IGSF5: variants seen among roughly 807,000 people sequenced by gnomAD.
IGSF5 encodes the protein immunoglobulin superfamily 5 like.
A neutral mutation model predicts 39.4 loss-of-function variants in IGSF5; 41 were observed. That is an observed-to-expected ratio of 1.04 (90% CI 0.81 to 1.35). IGSF5 has a LOEUF of 1.35. IGSF5 is among the 40% of genes most tolerant of loss of function. The pLI, the probability that IGSF5 is intolerant of heterozygous loss-of-function variation, is 0.00. For missense variants in IGSF5, 487 were observed against 494.6 expected (o/e 0.98, Z 0.15); for synonymous variants, 183 against 175.3 (o/e 1.04, Z -0.34).
chr21:39,782,114 G>C (rs767636580), intron 5 of IGSF5, among the ~76,000 whole-genome samples: 2 of 152,158 alleles, frequency 1.3e-5, no homozygotes, highest in Non-Finnish European at 2.9e-5. Context: ...GGTTTGAGAT[G>C]CCACCTTTAT....
Position 39,801,888 on chromosome 21 carries a change from A to G in IGSF5, c.*531A>G, listed in dbSNP as rs1385602296. The G allele has an allele frequency of 1.3e-5, 2 of 152,636 alleles. No homozygotes were observed. Among genetic ancestry groups the G allele is most frequent in the Non-Finnish European group, 2.9e-5 (2 of 68,360 alleles). The allele number at this position is 152,636 out of a possible 1,614,324, so 9.5% of individuals were successfully genotyped here. A position where few individuals can be genotyped will look rare whatever the true frequency, so the allele number is the denominator to read the frequency against. On this transcript the variant is annotated 3_prime_UTR_variant, in exon 9 of 9. Coordinates refer to ENST00000380588, the MANE Select transcript of IGSF5 (RefSeq NM_001080444.2). ...TCTAACATGGATGTGCACGTTCCTA[A>G]ATATCTTATGATTGAATATTTACAT...
chr21:39,778,989 G>C (rs2080155067), intron 4 of IGSF5, 101 bp from the exon 5 acceptor site: 11 of 1,417,042 alleles, frequency 7.8e-6, no homozygotes, highest in Non-Finnish European at 6.7e-6. Flanking sequence ...AGGCTGAATA[G>C]TTATAATATT....
chr21:39,787,820 C>T (rs1381903093), intron 5 of IGSF5, among the ~76,000 whole-genome samples: 1 of 152,118 alleles, frequency 6.6e-6, no homozygotes, highest in African/African-American at 2.4e-5. Flanking sequence ...TAACACAGAA[C>T]ATCTCTTCTT....
chr21:39,726,497 A>G, the IGSF5 span, among the ~76,000 whole-genome samples: 1 of 151,690 alleles, frequency 6.6e-6, no homozygotes, highest in Non-Finnish European at 1.5e-5. Flanking sequence ...CTCTCTCCTC[A>G]GTCACCAGTG....
At chr21:39,748,122 G>A (rs1376664366) in intron 2 of IGSF5, among the ~76,000 whole-genome samples, 1 of 151,980 alleles carries the variant, frequency 6.6e-6, no homozygotes, top group Non-Finnish European at 1.5e-5. Flanking sequence ...TAGAAGCAGG[G>A]TGGGTTAAAT....
At chr21:39,749,744 A>C (rs1347686654) in intron 2 of IGSF5, among the ~76,000 whole-genome samples, 2 of 152,242 alleles carry the variant, frequency 1.3e-5, no homozygotes, top group African/African-American at 4.8e-5. Context: ...GACAAGAGAC[A>C]CAAGGTTGAT....
At chr21:39,757,966 G>A (rs1265555298) in intron 2 of IGSF5, among the ~76,000 whole-genome samples, 1 of 152,208 alleles carries the variant, frequency 6.6e-6, no homozygotes, top group Non-Finnish European at 1.5e-5. Flanking sequence ...ACCAGCTGCG[G>A]GGGGTGGAGG....
the IGSF5 span, among the ~76,000 whole-genome samples, chr21:39,727,440 G>A: frequency 2.6e-5 from 4 of 152,194 alleles, no homozygotes; most frequent in Non-Finnish European, 5.9e-5. Context: ...GATTGTCGGT[G>A]GCTTCTTCTG....
At chr21:39,724,684 T>C in the IGSF5 span, among the ~76,000 whole-genome samples, 1 of 152,240 alleles carries the variant, frequency 6.6e-6, no homozygotes, top group South Asian at 2.1e-4. Flanking sequence ...GTCTTGTGTA[T>C]GTCTTTTATC....
At chr21:39,736,813 T>TG in the IGSF5 span, among the ~76,000 whole-genome samples, 1 of 152,208 alleles carries the variant, frequency 6.6e-6, no homozygotes, top group Non-Finnish European at 1.5e-5. Context: ...GTGCTGAGGC[T>TG]GAGGCTGAGG....
chr21:39,723,871 G>T, the IGSF5 span, among the ~76,000 whole-genome samples: 51 of 152,142 alleles, frequency 3.4e-4, no homozygotes, highest in African/African-American at 1.1e-3. Flanking sequence ...TTTGGGCCTG[G>T]CATGGTGGCT....
At chr21:39,719,261 C>T in the IGSF5 span, among the ~76,000 whole-genome samples, 7 of 152,292 alleles carry the variant, frequency 4.6e-5, no homozygotes, top group South Asian at 1.0e-3. Context: ...CTCAGCCTCC[C>T]GTGTAGCTGG....
intron 5 of IGSF5, among the ~76,000 whole-genome samples, chr21:39,785,293 G>A (rs994034843): frequency 2.6e-5 from 4 of 151,114 alleles, no homozygotes; most frequent in African/African-American, 9.7e-5. Context: ...AACAATGGCA[G>A]CACCATTTAT....
chr21:39,757,042 T>TC (rs34782551), intron 2 of IGSF5, among the ~76,000 whole-genome samples: 72,116 of 150,946 alleles, frequency 0.48, 18,772 homozygotes, highest in South Asian at 0.69. Context: ...GCAGGCACAG[T>TC]CCCCCCGAGA....
At chr21:39,771,410 T>G (rs776867275) in intron 4 of IGSF5, among the ~76,000 whole-genome samples, 195 bp downstream of exon 4, 2 of 152,228 alleles carry the variant, frequency 1.3e-5, no homozygotes, top group Non-Finnish European at 2.9e-5. Context: ...AATTCCATCT[T>G]AAAGTTTTTT....
At chr21:39,763,823 A>G (rs1362299247) in intron 2 of IGSF5, among the ~76,000 whole-genome samples, 1 of 152,138 alleles carries the variant, frequency 6.6e-6, no homozygotes, top group Non-Finnish European at 1.5e-5. Context: ...AGCAATTCAG[A>G]GTTCATGGAA....
At chr21:39,792,934 G>A (rs2086974010) in intron 7 of IGSF5, among the ~76,000 whole-genome samples, 1 of 152,122 alleles carries the variant, frequency 6.6e-6, no homozygotes, top group Non-Finnish European at 1.5e-5. Flanking sequence ...AAGGTTTTCA[G>A]CCAATCAGTC....
intron 8 of IGSF5, among the ~76,000 whole-genome samples, chr21:39,796,475 A>G (rs1427115762): frequency 6.6e-6 from 1 of 152,228 alleles, no homozygotes; most frequent in Non-Finnish European, 1.5e-5. Flanking sequence ...ATTCTGCAAT[A>G]AGCCTTAGTT....
chr21:39,740,352 C>G (rs1014793416), upstream of IGSF5, among the ~76,000 whole-genome samples: 1 of 152,176 alleles, frequency 6.6e-6, no homozygotes, highest in Non-Finnish European at 1.5e-5. Flanking sequence ...TTCTGTACGG[C>G]CAATAATAAT....
Sources: allele counts gnomAD v4.1 joint callset (sites outside exome capture counted in the v4.1 genomes callset), GRCh38; gene constraint gnomAD v4.1.1; transcripts MANE v1.5; gene names NCBI Gene and HGNC (gene_info 2026-07-23, HGNC 2026-07-21).